The following STAP1 variants were observed in gnomAD, a reference collection of about 807,000 sequenced individuals.
STAP1 encodes signal-transducing adaptor protein 1.
A neutral mutation model predicts 37.8 loss-of-function variants in STAP1; 30 were observed. That is an observed-to-expected ratio of 0.79 (90% confidence interval 0.59 to 1.08). The LOEUF is 1.08. Among genes scored for constraint, STAP1 ranks in the 50% least tolerant of loss-of-function variants. The pLI, the probability that STAP1 is intolerant of heterozygous loss-of-function variation, is 0.00. For synonymous variants in STAP1, 130 were observed against 116.0 expected, an observed-to-expected ratio of 1.12 and a Z score of -0.78; for missense variants, 357 against 349.4, an observed-to-expected ratio of 1.02 and a Z score of -0.17.
intron 8 of STAP1, among the ~76,000 whole-genome samples, chr4:67,598,198 C>G (rs1240410964): frequency 6.6e-6 from 1 of 152,120 alleles, no homozygotes; most frequent in Non-Finnish European, 1.5e-5. Flanking sequence ...CCCTTGCACT[C>G]TCTTTTTCTC....
At chr4:67,565,803 T>G (rs555860868) in intron 1 of STAP1, among the ~76,000 whole-genome samples, 3 of 152,144 alleles carry the variant, frequency 2.0e-5, no homozygotes, top group Non-Finnish European at 4.4e-5. Flanking sequence ...TTATTATTAT[T>G]CAGTGTCTTT....
rs1727265738 is a variant in STAP1 at position 67,558,731 on chromosome 4, A to T, written c.-79A>T. 1.3e-6 allele frequency: 2 copies of T among 1,551,970 alleles called. No individual in the cohort carries two copies. Among genetic ancestry groups the T allele is most frequent in the African/African-American group, 2.8e-5 (2 of 72,534 alleles). On this transcript the variant is annotated 5_prime_UTR_variant, in exon 1 of 9. Transcript: ENST00000265404. ...GCAATTTGGGACTTCCTCTTTGAACAGTTGCCTTTTCCTCTCACAGAAGGA... is the reference window on the plus strand; with the variant it reads ...GCAATTTGGGACTTCCTCTTTGAACTGTTGCCTTTTCCTCTCACAGAAGGA...
chr4:67,569,919 T>C (rs1434588824), intron 1 of STAP1, among the ~76,000 whole-genome samples: 1 of 152,112 alleles, frequency 6.6e-6, no homozygotes, highest in African/African-American at 2.4e-5. Flanking sequence ...TAGGTAGAGA[T>C]GGGGTTTTGC....
intron 4 of STAP1, among the ~76,000 whole-genome samples, chr4:67,578,830 A>AT (rs11314663): frequency 0.27 from 38,958 of 142,414 alleles, 5,323 homozygotes; most frequent in South Asian, 0.35. Context: ...ATTTATGTGA[A>AT]TTTTTTTTTT....
intron 8 of STAP1, among the ~76,000 whole-genome samples, chr4:67,603,846 G>A (rs1728395495): frequency 6.6e-6 from 1 of 151,954 alleles, no homozygotes; most frequent in Admixed American, 6.6e-5. Flanking sequence ...GGGGAGGGGT[G>A]CCACAAGCAC....
intron 6 of STAP1, among the ~76,000 whole-genome samples, chr4:67,588,801 T>C (rs17088487): frequency 0.055 from 8,314 of 152,270 alleles, 418 homozygotes; most frequent in Admixed American, 0.17. Flanking sequence ...AACATTTCCT[T>C]CAGGCGCAAT....
At chr4:67,590,546 AT>A (rs1728096811) in intron 6 of STAP1, among the ~76,000 whole-genome samples, 2 of 152,102 alleles carry the variant, frequency 1.3e-5, no homozygotes, top group African/African-American at 4.8e-5. Flanking sequence ...GAATTTTATT[AT>A]GTTGTTTACT....
chr4:67,576,399 T>C (rs927498445), intron 3 of STAP1, among the ~76,000 whole-genome samples: 3 of 152,136 alleles, frequency 2.0e-5, no homozygotes, highest in Non-Finnish European at 2.9e-5. Flanking sequence ...AACCAGTGTG[T>C]AGAATAGTGC....
chr4:67,573,204 A>G (rs531756762), intron 2 of STAP1, among the ~76,000 whole-genome samples: 7 of 152,320 alleles, frequency 4.6e-5, no homozygotes, highest in African/African-American at 1.7e-4. Flanking sequence ...GATTAGGACA[A>G]TGGATGAAAA....
At chr4:67,585,966 TAA>T (rs1727970980) in intron 6 of STAP1, among the ~76,000 whole-genome samples, 1 of 152,312 alleles carries the variant, frequency 6.6e-6, no homozygotes, top group South Asian at 2.1e-4. Flanking sequence ...AATTAAAAAT[TAA>T]GAGAGAGCAG....
chr4:67,575,763 T>C (rs1395311785), intron 3 of STAP1, among the ~76,000 whole-genome samples: 1 of 152,228 alleles, frequency 6.6e-6, no homozygotes, highest in Non-Finnish European at 1.5e-5. Flanking sequence ...GCTAAGGTTG[T>C]TCTTGAATCA....
At chr4:67,567,880 C>T (rs1727506406) in intron 1 of STAP1, among the ~76,000 whole-genome samples, 1 of 152,198 alleles carries the variant, frequency 6.6e-6, no homozygotes, top group South Asian at 2.1e-4. Flanking sequence ...CAAGCAAGCC[C>T]AGATCAGAAA....
At chr4:67,569,222 G>C (rs953178510) in intron 1 of STAP1, among the ~76,000 whole-genome samples, 9 of 152,240 alleles carry the variant, frequency 5.9e-5, no homozygotes, top group Admixed American at 2.0e-4. Context: ...CATAGCAAAA[G>C]CAGAGTAGAA....
chr4:67,590,615 T>G (rs1728097750), intron 6 of STAP1, among the ~76,000 whole-genome samples: 1 of 152,178 alleles, frequency 6.6e-6, no homozygotes. Flanking sequence ...TAATTCTTGA[T>G]TCCTTTTTTC....
At chr4:67,565,381 A>T (rs1435904604) in intron 1 of STAP1, among the ~76,000 whole-genome samples, 1 of 152,218 alleles carries the variant, frequency 6.6e-6, no homozygotes, top group East Asian at 1.9e-4. Flanking sequence ...GGGTTTCATT[A>T]TTCTGGTTTA....
intron 8 of STAP1, among the ~76,000 whole-genome samples, chr4:67,605,280 A>C (rs1164309854): frequency 6.6e-6 from 1 of 151,736 alleles, no homozygotes; most frequent in Non-Finnish European, 1.5e-5. Context: ...TGGAAGGCTA[A>C]ATTTTCTCTT....
intron 7 of STAP1, 118 bp from the exon 8 acceptor site, chr4:67,593,142 C>T: frequency 1.5e-6 from 1 of 658,928 alleles, no homozygotes; most frequent in South Asian, 2.2e-5. Flanking sequence ...TATGGTCATA[C>T]AGTAAGCCAT....
chr4:67,585,441 G>A (rs1343470248), intron 6 of STAP1, among the ~76,000 whole-genome samples: 1 of 152,200 alleles, frequency 6.6e-6, no homozygotes, highest in Non-Finnish European at 1.5e-5. Flanking sequence ...TCACTTGCCA[G>A]TAAACAGATC....
chr4:67,588,208 G>C (rs1408133032), intron 6 of STAP1, among the ~76,000 whole-genome samples: 1 of 151,886 alleles, frequency 6.6e-6, no homozygotes, highest in Non-Finnish European at 1.5e-5. Context: ...TGTCTAAAAA[G>C]AGAGTCAAAA....
Sources: gnomAD v4.1 joint callset for allele counts (sites outside exome capture counted in the v4.1 genomes callset) on GRCh38, gnomAD v4.1.1 for gene constraint, MANE v1.5 for transcripts, NCBI Gene and HGNC (gene_info 2026-07-23, HGNC 2026-07-21) for gene names.